The following HS6ST3 variants were observed in gnomAD, a reference collection of about 807,000 sequenced individuals.
HS6ST3 encodes heparan sulfate 6-O-sulfotransferase 3.
Under a neutral mutation model 36.7 loss-of-function variants are expected in HS6ST3, and 12 were observed. The observed-to-expected ratio is 0.33, with a 90% CI of 0.21 to 0.53. HS6ST3 has a LOEUF of 0.53. Among genes scored for constraint, HS6ST3 ranks in the 20% least tolerant of loss-of-function variants. The pLI, the probability that HS6ST3 is intolerant of heterozygous loss-of-function variation, is 0.95. For missense variants in HS6ST3, 584 were observed against 640.9 expected, an observed-to-expected ratio of 0.91 and a Z score of 0.96; for synonymous variants, 240 against 257.5, an observed-to-expected ratio of 0.93 and a Z score of 0.65.
intron 1 of HS6ST3, among the ~76,000 whole-genome samples, chr13:96,210,066 A>G (rs1383503600): frequency 2.0e-5 from 3 of 152,138 alleles, no homozygotes; most frequent in African/African-American, 7.2e-5. Context: ...TGATTGAAAG[A>G]CTGAATGGTC....
At chr13:96,180,916 A>G (rs1202210933) in intron 1 of HS6ST3, among the ~76,000 whole-genome samples, 1 of 152,200 alleles carries the variant, frequency 6.6e-6, no homozygotes, top group African/African-American at 2.4e-5. Context: ...TGGATAACTT[A>G]TAAAGAGGCA....
chr13:96,467,353 C>T (rs915420524), intron 1 of HS6ST3, among the ~76,000 whole-genome samples: 82 of 152,220 alleles, frequency 5.4e-4, no homozygotes, highest in African/African-American at 1.9e-3. Flanking sequence ...GTCCTGAGTC[C>T]CGTTTCTCTT....
chr13:96,118,452 C>A (rs2053904193), intron 1 of HS6ST3, among the ~76,000 whole-genome samples: 1 of 151,864 alleles, frequency 6.6e-6, no homozygotes, highest in South Asian at 2.1e-4. Context: ...GCTTAAGCTA[C>A]CAAGTTTGTA....
intron 1 of HS6ST3, among the ~76,000 whole-genome samples, chr13:96,469,616 G>C (rs904993449): frequency 3.3e-5 from 5 of 152,122 alleles, no homozygotes; most frequent in African/African-American, 1.2e-4. Context: ...AAAAATTACT[G>C]AGTCAAACAG....
At chr13:96,677,488 T>C (rs957625874) in intron 1 of HS6ST3, among the ~76,000 whole-genome samples, 1 of 152,170 alleles carries the variant, frequency 6.6e-6, no homozygotes, top group African/African-American at 2.4e-5. Flanking sequence ...TATATATGTG[T>C]ACACTTACAC....
chr13:96,395,500 GT>G (rs1338648783), intron 1 of HS6ST3, among the ~76,000 whole-genome samples: 1 of 151,922 alleles, frequency 6.6e-6, no homozygotes, highest in Admixed American at 6.6e-5. Context: ...CCATCCATCC[GT>G]TTTTTTCCTC....
intron 1 of HS6ST3, among the ~76,000 whole-genome samples, chr13:96,771,443 A>T (rs1345822510): frequency 6.6e-6 from 1 of 152,190 alleles, no homozygotes; most frequent in Non-Finnish European, 1.5e-5. Flanking sequence ...AAAAGTAAAA[A>T]AATAAAAGAA....
At chr13:96,350,604 C>G (rs1304615700) in intron 1 of HS6ST3, among the ~76,000 whole-genome samples, 1 of 152,186 alleles carries the variant, frequency 6.6e-6, no homozygotes, top group African/African-American at 2.4e-5. Context: ...AGATGTTCTT[C>G]TGTTAGACAT....
intron 1 of HS6ST3, among the ~76,000 whole-genome samples, chr13:96,706,110 G>C (rs562531957): frequency 2.0e-5 from 3 of 151,948 alleles, no homozygotes; most frequent in Non-Finnish European, 4.4e-5. Context: ...TTTATTCTTC[G>C]TAAGAAAGGA....
chr13:96,484,125 A>ACT (rs112894088), intron 1 of HS6ST3, among the ~76,000 whole-genome samples: 11,853 of 152,160 alleles, frequency 0.078, 553 homozygotes, highest in African/African-American at 0.12. Flanking sequence ...CCAGTACTAC[A>ACT]GTCTTGATTA....
At chr13:96,234,951 G>A (rs2054527292) in intron 1 of HS6ST3, among the ~76,000 whole-genome samples, 1 of 152,018 alleles carries the variant, frequency 6.6e-6, no homozygotes, top group Admixed American at 6.6e-5. Flanking sequence ...AATATCTAAA[G>A]ATATCTTCAA....
At chr13:96,695,540 C>G (rs1434389208) in intron 1 of HS6ST3, among the ~76,000 whole-genome samples, 2 of 151,926 alleles carry the variant, frequency 1.3e-5, no homozygotes, top group Non-Finnish European at 2.9e-5. Context: ...TCAAGCAATC[C>G]TCCCACCTCA....
At chr13:96,540,981 A>C (rs1010370267) in intron 1 of HS6ST3, among the ~76,000 whole-genome samples, 1 of 152,312 alleles carries the variant, frequency 6.6e-6, no homozygotes, top group South Asian at 2.1e-4. Context: ...TACAAAGCCC[A>C]AAAATCTTAG....
chr13:96,232,615 G>A (rs982146959), intron 1 of HS6ST3, among the ~76,000 whole-genome samples: 17 of 152,184 alleles, frequency 1.1e-4, no homozygotes, highest in East Asian at 5.8e-4. Context: ...AGTGTCAGGG[G>A]GACAGTGGTA....
rs570359749 is a variant in HS6ST3, at chr13:96,297,865, C to T, written c.707+206296C>T. On this transcript the variant is annotated intron_variant, in intron 1 of 1. Transcript: ENST00000376705. ...TAACAATTTACTGCTAATTCAGCTT[C>T]TCTTATTCCCTACAATGCCTAGCAC... Among the ~76,000 whole-genome samples, 7 of 152,252 alleles carry T rather than the reference C, an allele frequency of 4.6e-5. No individual in the cohort carries two copies. The South Asian group carries it at 1.2e-3, about 27-fold the overall frequency.
chr13:96,682,289 A>G (rs1382601796), intron 1 of HS6ST3, among the ~76,000 whole-genome samples: 1 of 152,136 alleles, frequency 6.6e-6, no homozygotes, highest in Non-Finnish European at 1.5e-5. Context: ...GGGGCATAAT[A>G]ACCATTTAAG....
chr13:96,701,519 G>A (rs1211048054), intron 1 of HS6ST3, among the ~76,000 whole-genome samples: 1 of 152,086 alleles, frequency 6.6e-6, no homozygotes, highest in Non-Finnish European at 1.5e-5. Context: ...ACACTGTGGA[G>A]TTCACAAAGC....
chr13:96,741,765 A>G (rs957766651), intron 1 of HS6ST3, among the ~76,000 whole-genome samples: 2 of 152,216 alleles, frequency 1.3e-5, no homozygotes, highest in Non-Finnish European at 2.9e-5. Context: ...CAGCTAACAC[A>G]TTCCTTACAA....
chr13:96,241,786 CTTTTTTTTTT>C (rs1235986148), intron 1 of HS6ST3, among the ~76,000 whole-genome samples: 2 of 131,426 alleles, frequency 1.5e-5, no homozygotes, highest in African/African-American at 5.6e-5. Context: ...TTTTTTCTTT[CTTTTTTTTTT>C]TTTTTTTGAG....
Sources: allele counts gnomAD v4.1 joint callset (sites outside exome capture counted in the v4.1 genomes callset), GRCh38; gene constraint gnomAD v4.1.1; transcripts MANE v1.5; gene names NCBI Gene and HGNC (gene_info 2026-07-23, HGNC 2026-07-21).